NSD1: variants seen among roughly 807,000 people sequenced by gnomAD.
NSD1 encodes nuclear receptor binding SET domain protein 1.
A neutral mutation model predicts 242.7 loss-of-function variants in NSD1; 26 were observed. The ratio of observed to expected loss-of-function variants is 0.11; its 90% confidence interval spans 0.08 to 0.15. The LOEUF (loss-of-function observed/expected upper bound fraction) is 0.15, where lower values mean the gene tolerates loss of function less well. NSD1 is among the 10% of genes least tolerant of loss of function. The pLI, the probability that NSD1 is intolerant of heterozygous loss-of-function variation, is 1.00. For missense variants in NSD1, 2,495 were observed against 3,272.8 expected, an observed-to-expected ratio of 0.76 and a Z score of 5.80; for synonymous variants, 1,106 against 1,178.1, an observed-to-expected ratio of 0.94 and a Z score of 1.25.
In NSD1 at chr5:177,135,030, AGAGTC is replaced by A. The variant is rs1440756280; in HGVS notation, c.-17-51_-17-47del. ...GGCCTTGAAGTGGCTGCCATTTTAA[AGAGTC>A]GAGTCAGATGGCCTATTAACTCAGA... On this transcript the variant is annotated intron_variant, in intron 1 of 22. Transcript: ENST00000439151. 27 of 1,471,732 alleles carry A rather than the reference AGAGTC, an allele frequency of 1.8e-5. No individual in the cohort carries two copies. The African/African-American group carries it at 3.6e-4, about 20-fold the overall frequency. The allele number at this position is 1,471,732 out of a possible 1,614,324, so 91.2% of individuals were successfully genotyped here. A position where few individuals can be genotyped will look rare whatever the true frequency, so the allele number is the denominator to read the frequency against.
chr5:177,260,390 A>T (rs1296774518), intron 14 of NSD1, among the ~76,000 whole-genome samples: 2 of 115,282 alleles, frequency 1.7e-5, no homozygotes, highest in East Asian at 4.6e-4. Flanking sequence ...TCTGTTGCCC[A>T]GGCTGGAGTG....
intron 13 of NSD1, among the ~76,000 whole-genome samples, chr5:177,259,454 C>T (rs1247202797): frequency 6.6e-6 from 1 of 152,146 alleles, no homozygotes; most frequent in Non-Finnish European, 1.5e-5. Context: ...ACAGGGAAAC[C>T]CCATGTCTTT....
At chr5:177,186,017 T>A in intron 2 of NSD1, among the ~76,000 whole-genome samples, 1 of 99,778 alleles carries the variant, frequency 1.0e-5, no homozygotes. Context: ...TATTATATAT[T>A]ATATATTATA....
In NSD1 at chr5:177,295,378, C is replaced by T. The variant is rs200029773; in HGVS notation, c.8010C>T (p.Asp2670=). The change falls in exon 23 of 23, where the codon GAC becomes GAT. Residue 2670 remains aspartate (D), a synonymous_variant. Coordinates refer to ENST00000439151, the MANE Select transcript of NSD1 (RefSeq NM_022455.5). This position sits in a 1 kb window ranked among gnomAD's most constrained non-coding sequence, Gnocchi z 4.3. ...GCTGGTCTCTTGGAAGAGGGCAAGACCCCAAACCAGAGCAAAATACACTTC... is the reference window on the plus strand; with the variant it reads ...GCTGGTCTCTTGGAAGAGGGCAAGATCCCAAACCAGAGCAAAATACACTTC... ...QTCWSLGRGQ[D]PKPEQNTLPA... is the part of the protein sequence containing the mutation. 6.2e-7 allele frequency: 1 copy of T among 1,614,202 alleles called. No individual in the cohort carries two copies. Among genetic ancestry groups the T allele is most frequent in the Non-Finnish European group, 8.5e-7 (1 of 1,180,028 alleles).
At chr5:177,279,269 G>A (rs1031667251) in intron 17 of NSD1, among the ~76,000 whole-genome samples, 64 of 152,172 alleles carry the variant, frequency 4.2e-4, no homozygotes, top group Non-Finnish European at 2.5e-4. Flanking sequence ...ATCACCTGAG[G>A]TCAGGAGATC....
chr5:177,238,263 C>T lies in NSD1; in HGVS notation c.3948C>T (p.Ser1316=), dbSNP rs1765609162. 6.2e-7 allele frequency: 1 copy of T among 1,614,084 alleles called. No individual in the cohort carries two copies. The highest frequency in any genetic ancestry group is 1.1e-5 in the South Asian group (1 of 91,086). Residue 1316 remains serine, a synonymous_variant, in exon 7 of 23, where the codon AGC becomes AGT. Transcript: ENST00000439151. This position sits in a 1 kb window ranked among gnomAD's most constrained non-coding sequence, Gnocchi z 4.6. ...HKVSSRCEEE[S]LLARGRSSAQ... is the part of the protein sequence containing the mutation. Reference sequence around the variant, plus strand: ...TAAGTTCCCGCTGTGAAGAGGAAAGCCTTCTAGCCCGAGGTCGATCTAGTG... The same window carrying T: ...TAAGTTCCCGCTGTGAAGAGGAAAGTCTTCTAGCCCGAGGTCGATCTAGTG...
chr5:177,132,871 G>T (rs1389492046), upstream of NSD1, among the ~76,000 whole-genome samples: 2 of 152,186 alleles, frequency 1.3e-5, no homozygotes, highest in African/African-American at 4.8e-5. This position sits in a 1 kb window ranked among gnomAD's most constrained non-coding sequence, Gnocchi z 7.5. Flanking sequence ...CGAGTCCCCG[G>T]CCCGTCTGCG....
At chr5:177,258,856 G>C (rs1335779891) in intron 13 of NSD1, among the ~76,000 whole-genome samples, 1 of 151,878 alleles carries the variant, frequency 6.6e-6, no homozygotes, top group Non-Finnish European at 1.5e-5. Flanking sequence ...TGTTTGTTTT[G>C]TTTTGTTTTA....
intron 9 of NSD1, among the ~76,000 whole-genome samples, chr5:177,244,818 A>C (rs1766152252): frequency 6.6e-6 from 1 of 152,244 alleles, no homozygotes. Flanking sequence ...ATTTTCTAAC[A>C]AGTAAATCTA....
At chr5:177,194,417 A>G (rs1349208336) in intron 3 of NSD1, among the ~76,000 whole-genome samples, 1 of 149,474 alleles carries the variant, frequency 6.7e-6, no homozygotes, top group African/African-American at 2.5e-5. Flanking sequence ...AGCTGGGAGC[A>G]CAGACGTGTG....
chr5:177,265,557 G>A, intron 14 of NSD1: 1 of 1,011,098 alleles, frequency 9.9e-7, no homozygotes, highest in Non-Finnish European at 1.5e-6. Flanking sequence ...GTGCAGGGCG[G>A]GAGAGCCGGG....
intron 5 of NSD1, among the ~76,000 whole-genome samples, chr5:177,220,190 A>G (rs1764121374): frequency 6.6e-6 from 1 of 151,772 alleles, no homozygotes; most frequent in Non-Finnish European, 1.5e-5. Context: ...TTCTGTCATT[A>G]TTTGCTTTTT....
intron 12 of NSD1, among the ~76,000 whole-genome samples, chr5:177,256,230 A>G (rs1332613897): frequency 6.7e-6 from 1 of 148,228 alleles, no homozygotes; most frequent in African/African-American, 2.5e-5. Context: ...ACTTTTTTAT[A>G]CATCTCTTAA....
intron 2 of NSD1, among the ~76,000 whole-genome samples, chr5:177,146,197 C>G (rs1225306072): frequency 6.8e-6 from 1 of 147,176 alleles, no homozygotes; most frequent in Non-Finnish European, 1.5e-5. Flanking sequence ...TGATGTACTT[C>G]ACCAATCGTT....
chr5:177,284,255 G>C (rs1347633126), intron 20 of NSD1, among the ~76,000 whole-genome samples: 6 of 152,050 alleles, frequency 3.9e-5, no homozygotes, highest in Non-Finnish European at 5.9e-5. Flanking sequence ...GTCCTTTTCT[G>C]ACCACCTCAT....
At chr5:177,290,916 G>A (rs1299572902) in intron 21 of NSD1, among the ~76,000 whole-genome samples, 1 of 152,152 alleles carries the variant, frequency 6.6e-6, no homozygotes, top group Non-Finnish European at 1.5e-5. Context: ...GCGGATGTCA[G>A]TTTCAGCATC....
Position 177,295,659 on chromosome 5 carries a change from G to C in NSD1, c.*200G>C, listed in dbSNP as rs1760209998. 2.4e-5 allele frequency: 16 copies of C among 658,894 alleles called. No homozygotes were observed. In the South Asian group the frequency reaches 2.9e-4, roughly 12 times the overall value. 40.8% of individuals were successfully genotyped at this position (658,894 alleles called of 1,614,324 possible). A position where few individuals can be genotyped will look rare whatever the true frequency, so the allele number is the denominator to read the frequency against. ...GCTTATGGTTGTGTGAACCATGTAT[G>C]AAAATCCAGTGGGCCCCAACCAAGG... is the stretch of plus-strand genomic sequence containing the variant. On this transcript the variant is annotated 3_prime_UTR_variant, in exon 23 of 23. Coordinates refer to ENST00000439151, the MANE Select transcript of NSD1 (RefSeq NM_022455.5). This position sits in a 1 kb window ranked among gnomAD's most constrained non-coding sequence, Gnocchi z 4.3.
chr5:177,215,789 G>A (rs1581341316), intron 5 of NSD1, among the ~76,000 whole-genome samples: 1 of 152,004 alleles, frequency 6.6e-6, no homozygotes. Context: ...CACCGCACCC[G>A]GCCTACTTTT....
intron 2 of NSD1, among the ~76,000 whole-genome samples, chr5:177,157,621 C>A (rs1176999312): frequency 6.6e-6 from 1 of 152,126 alleles, no homozygotes; most frequent in Non-Finnish European, 1.5e-5. Context: ...AGTCCCTGGG[C>A]TACAGGGTGA....
Sources: allele counts gnomAD v4.1 joint callset (sites outside exome capture counted in the v4.1 genomes callset), GRCh38; gene constraint gnomAD v4.1.1; non-coding constraint Gnocchi (gnomAD v3.1); transcripts MANE v1.5; gene names NCBI Gene and HGNC (gene_info 2026-07-23, HGNC 2026-07-21).